Variants in ATP2A3 observed in about 807,000 individuals in gnomAD.
ATP2A3 encodes the protein sarcoplasmic/endoplasmic reticulum calcium ATPase 3.
ATP2A3 carries 61 observed loss-of-function variants against 106.8 expected under a neutral mutation model. The ratio of observed to expected loss-of-function variants is 0.57; its 90% CI spans 0.46 to 0.71. The LOEUF is 0.71. Among genes scored for constraint, ATP2A3 ranks in the 30% least tolerant of loss-of-function variants. The pLI, the probability that ATP2A3 is intolerant of heterozygous loss-of-function variation, is 0.00. For synonymous variants in ATP2A3, 611 were observed against 609.3 expected, an observed-to-expected ratio of 1.00 and a Z score of -0.04; for missense variants, 1,201 against 1,423.5, an observed-to-expected ratio of 0.84 and a Z score of 2.52.
chr17:3,947,244 G>A lies in ATP2A3; in HGVS notation c.1095+147C>T. The A allele has an allele frequency of 1.0e-6, 1 of 970,160 alleles. No homozygotes were observed. Among genetic ancestry groups the A allele is most frequent in the Non-Finnish European group, 1.6e-6 (1 of 636,096 alleles). 60.1% of individuals were successfully genotyped at this position (970,160 alleles called of 1,614,324 possible). A position where few individuals can be genotyped will look rare whatever the true frequency, so the allele number is the denominator to read the frequency against. ...TTTGCTATAGTCTCCCTGTCATCTT[G>A]TGAAAACCTGGACCTGCTCTGGGCC... On this transcript the variant is annotated intron_variant, in intron 8 of 20. Coordinates refer to ENST00000397041, the MANE Select transcript of ATP2A3 (RefSeq NM_005173.4). The surrounding 1 kb of genome is among the most constrained non-coding windows in gnomAD (Gnocchi z 7.7).
Position 3,945,112 on chromosome 17 carries a change from G to A in ATP2A3, c.1132C>T (p.Leu378Phe), listed in dbSNP as rs1018266081. The A allele has an allele frequency of 6.5e-7, 1 of 1,548,380 alleles. No homozygotes were observed. The highest frequency in any genetic ancestry group is 8.7e-7 in the Non-Finnish European group (1 of 1,145,878). Residue 378 changes from leucine (L) to phenylalanine (F), a missense_variant, in exon 9 of 21, where the codon CTT becomes TTT. Coordinates refer to ENST00000397041, the MANE Select transcript of ATP2A3 (RefSeq NM_005173.4). ...CCCGAGATGGTGAACTCGTGCAAAA[G>A]GCAGGAGCCCGCATCGGCCTCGGCT... Reference protein sequence around the residue: ...VVAEADAGSCLLHEFTISGTT... With the variant: ...VVAEADAGSCFLHEFTISGTT...
At chr17:3,937,114 G>A in intron 15 of ATP2A3, 1 of 473,682 alleles carries the variant, frequency 2.1e-6, no homozygotes, top group Non-Finnish European at 3.9e-6. Context: ...CTAAAGGTGG[G>A]GCTTTTCTCT....
chr17:3,959,475 C>T (rs1293663082), intron 1 of ATP2A3, among the ~76,000 whole-genome samples: 1 of 152,230 alleles, frequency 6.6e-6, no homozygotes, highest in Non-Finnish European at 1.5e-5. Flanking sequence ...CCTGAGCCCA[C>T]AGTCCAGAGC....
chr17:3,948,013 C>T (rs926435405), intron 7 of ATP2A3, among the ~76,000 whole-genome samples, 158 bp from the exon 8 acceptor site: 1 of 152,190 alleles, frequency 6.6e-6, no homozygotes, highest in South Asian at 2.1e-4. Context: ...TATGTATGCA[C>T]GGGGTCCCTG....
At chr17:3,957,251 G>C (rs531102143) in intron 1 of ATP2A3, among the ~76,000 whole-genome samples, 12 of 152,350 alleles carry the variant, frequency 7.9e-5, no homozygotes, top group African/African-American at 2.4e-4. Context: ...ACACAACAGA[G>C]AGGTTGAGTG....
intron 1 of ATP2A3, among the ~76,000 whole-genome samples, chr17:3,954,269 G>A (rs1020192049): frequency 4.0e-5 from 6 of 151,850 alleles, no homozygotes; most frequent in Non-Finnish European, 8.8e-5. Flanking sequence ...CAGCTGGGCC[G>A]GCCTGCTGGG....
chr17:3,964,321 C>T lies in ATP2A3; in HGVS notation c.-30G>A. 8.5e-7 allele frequency: 1 copy of T among 1,170,964 alleles called. No homozygotes were observed. Among genetic ancestry groups the T allele is most frequent in the Non-Finnish European group, 1.1e-6 (1 of 935,280 alleles). The allele number at this position is 1,170,964 out of a possible 1,614,324, so 72.5% of individuals were successfully genotyped here. Reference sequence around the variant, plus strand: ...CCCGCCCGGCCGTCTGCGCCGTCCGCACCGTCGAGGCCGCCTCTCCGCCGG... The same window carrying T: ...CCCGCCCGGCCGTCTGCGCCGTCCGTACCGTCGAGGCCGCCTCTCCGCCGG... On this transcript the variant is annotated 5_prime_UTR_variant, in exon 1 of 21. Coordinates refer to ENST00000397041, the MANE Select transcript of ATP2A3 (RefSeq NM_005173.4).
chr17:3,924,684 C>A lies in ATP2A3; in HGVS notation c.*738G>T, dbSNP rs1004804176. 6 of 450,888 alleles carry A rather than the reference C, an allele frequency of 1.3e-5. No individual in the cohort carries two copies. The highest frequency in any genetic ancestry group is 2.2e-5 in the Non-Finnish European group (5 of 224,426). 27.9% of individuals were successfully genotyped at this position (450,888 alleles called of 1,614,324 possible). ...GGGAACCCTGAGTCCAGGAGGCGCG[C>A]GGGGCTGAGGCAGTCCAGCCAGGCT... On this transcript the variant is annotated 3_prime_UTR_variant, in exon 21 of 21. Coordinates refer to ENST00000397041, the MANE Select transcript of ATP2A3 (RefSeq NM_005173.4). This position sits in a 1 kb window ranked among gnomAD's most constrained non-coding sequence, Gnocchi z 6.4.
chr17:3,929,246 G>C lies in ATP2A3; in HGVS notation c.2862+82C>G, dbSNP rs1389729417. The C allele has an allele frequency of 1.6e-6, 2 of 1,286,326 alleles. No individual in the cohort carries two copies. The highest frequency in any genetic ancestry group is 2.2e-6 in the Non-Finnish European group (2 of 920,494). 79.7% of individuals were successfully genotyped at this position (1,286,326 alleles called of 1,614,324 possible). ...TCTCCTCCAGGTAGTTTCCATTGCA[G>C]GGGGGCCAGAGAGGTCCAGTGACCA... On this transcript the variant is annotated intron_variant, in intron 19 of 20. Coordinates refer to ENST00000397041, the MANE Select transcript of ATP2A3 (RefSeq NM_005173.4). The surrounding 1 kb of genome is among the most constrained non-coding windows in gnomAD (Gnocchi z 4.3).
At chr17:3,935,734 C>T (rs2053407560) in intron 16 of ATP2A3, among the ~76,000 whole-genome samples, 1 of 152,080 alleles carries the variant, frequency 6.6e-6, no homozygotes, top group South Asian at 2.1e-4. Context: ...GATGGGGTTT[C>T]ACCACGTTGG....
At chr17:3,932,265 T>A (rs1482978878) in intron 17 of ATP2A3, among the ~76,000 whole-genome samples, 1 of 152,110 alleles carries the variant, frequency 6.6e-6, no homozygotes, top group Non-Finnish European at 1.5e-5. Context: ...TGCCTCAGCC[T>A]CCTGAGTAGC....
Position 3,955,334 on chromosome 17 carries a change from GC to G in ATP2A3, c.119-1625del. On this transcript the variant is annotated intron_variant, in intron 1 of 20. Coordinates refer to ENST00000397041, the MANE Select transcript of ATP2A3 (RefSeq NM_005173.4). The surrounding 1 kb of genome is among the most constrained non-coding windows in gnomAD (Gnocchi z 4.2). ...TTGGAAGCTTTGGGGTCTGCACCTG[GC>G]AGCTGAACCCTGGGGAGTATCAAGC... 6.6e-6 allele frequency among the ~76,000 whole-genome samples: 1 copy of G among 152,148 alleles called. No individual in the cohort carries two copies. The highest frequency in any genetic ancestry group is 6.6e-5 in the Admixed American group (1 of 15,262).
At chr17:3,948,990 C>T (rs1185707167) in intron 7 of ATP2A3, among the ~76,000 whole-genome samples, 1 of 151,848 alleles carries the variant, frequency 6.6e-6, no homozygotes, top group African/African-American at 2.4e-5. Flanking sequence ...TAGCTGGGCA[C>T]GGTGGTGTGT....
In ATP2A3 at chr17:3,928,642, G is replaced by A. The variant is rs764931558; in HGVS notation, c.2980+21C>T. The A allele has an allele frequency of 2.3e-5, 35 of 1,537,538 alleles. No homozygotes were observed. Among genetic ancestry groups the A allele is most frequent in the South Asian group, 4.8e-5 (4 of 83,700 alleles). ...GCGGGCGGGGAGGCAGGCTGGAGGC[G>A]GGACGGGGCCTCCCACTCACCGTGC... On this transcript the variant is annotated intron_variant, in intron 20 of 20. Coordinates refer to ENST00000397041, the MANE Select transcript of ATP2A3 (RefSeq NM_005173.4). The surrounding 1 kb of genome is among the most constrained non-coding windows in gnomAD (Gnocchi z 6.1).
At position 3,955,886 on chromosome 17, in the gene ATP2A3, TA is replaced by T. The variant is rs199891816; in HGVS notation, c.119-2177del. ...TCCTTTCTCTTATTTTATTTTATTT[TA>T]TTTTTTTTTTTTGAGATGGAGTCTT... On this transcript the variant is annotated intron_variant, in intron 1 of 20. Coordinates refer to ENST00000397041, the MANE Select transcript of ATP2A3 (RefSeq NM_005173.4). This position sits in a 1 kb window ranked among gnomAD's most constrained non-coding sequence, Gnocchi z 4.2. 0.011 allele frequency among the ~76,000 whole-genome samples: 1,550 copies of T among 142,060 alleles called. 31 individuals carry two copies. Among genetic ancestry groups the T allele is most frequent in the African/African-American group, 0.037 (1,456 of 39,408 alleles). The allele number at this position is 142,060 out of a possible 152,430, so 93.2% of individuals were successfully genotyped here. A position where few individuals can be genotyped will look rare whatever the true frequency, so the allele number is the denominator to read the frequency against.
At chr17:3,927,661 C>A in intron 20 of ATP2A3, 1 of 985,034 alleles carries the variant, frequency 1.0e-6, no homozygotes, top group Non-Finnish European at 1.2e-6. Context: ...CTCAGCTCCC[C>A]CCACCCCCAC....
Position 3,953,232 on chromosome 17 carries a change from C to T in ATP2A3, c.219+115G>A, listed in dbSNP as rs1211863729. On this transcript the variant is annotated intron_variant, in intron 3 of 20. Coordinates refer to ENST00000397041, the MANE Select transcript of ATP2A3 (RefSeq NM_005173.4). This position sits in a 1 kb window ranked among gnomAD's most constrained non-coding sequence, Gnocchi z 5.1. ...GGCAGGGCCAGGGAAGGCCAGGGCG[C>T]AGGCCCAGGGTGTGGAGGACAGGCC... 8.2e-7 allele frequency: 1 copy of T among 1,216,844 alleles called. No individual in the cohort carries two copies. The highest frequency in any genetic ancestry group is 1.7e-5 in the Admixed American group (1 of 59,004). 75.4% of individuals were successfully genotyped at this position (1,216,844 alleles called of 1,614,324 possible). A position where few individuals can be genotyped will look rare whatever the true frequency, so the allele number is the denominator to read the frequency against.
rs372154537 is a variant in ATP2A3 at position 3,925,474 on chromosome 17, T to C, written c.2981-33A>G. Reference sequence around the variant, plus strand: ...AAAAACCCAAGAGCGCGTTAAGATGTATGTGTAAGGGCACACATCCAGACA... The same window carrying C: ...AAAAACCCAAGAGCGCGTTAAGATGCATGTGTAAGGGCACACATCCAGACA... On this transcript the variant is annotated intron_variant, in intron 20 of 20. Transcript: ENST00000397041. This position sits in a 1 kb window ranked among gnomAD's most constrained non-coding sequence, Gnocchi z 4.2. 167 of 1,605,488 alleles carry C rather than the reference T, an allele frequency of 1.0e-4. No individual in the cohort carries two copies. Among genetic ancestry groups the C allele is most frequent in the Non-Finnish European group, 1.3e-4 (154 of 1,176,640 alleles).
At position 3,929,954 on chromosome 17, in the gene ATP2A3, C is replaced by T. The variant is rs2052959483; in HGVS notation, c.2744+347G>A. On this transcript the variant is annotated intron_variant, in intron 18 of 20. Coordinates refer to ENST00000397041, the MANE Select transcript of ATP2A3 (RefSeq NM_005173.4). This position sits in a 1 kb window ranked among gnomAD's most constrained non-coding sequence, Gnocchi z 4.3. ...AGACCCCAACCTGAACCCCTTGACC[C>T]CAGACCCCAATCCTGGACCTCTCTT... Among the ~76,000 whole-genome samples the T allele has an allele frequency of 1.3e-5, 2 of 151,226 alleles. No homozygotes were observed. Among genetic ancestry groups the T allele is most frequent in the African/African-American group, 4.9e-5 (2 of 41,058 alleles).
Sources: gnomAD v4.1 joint callset for allele counts (sites outside exome capture counted in the v4.1 genomes callset) on GRCh38, gnomAD v4.1.1 for gene constraint, Gnocchi (gnomAD v3.1) non-coding constraint, MANE v1.5 for transcripts, NCBI Gene and HGNC (gene_info 2026-07-23, HGNC 2026-07-21) for gene names.